Variants in C21orf91 observed in about 807,000 individuals in gnomAD.
C21orf91 encodes protein EURL homolog.
Under a neutral mutation model 32.9 loss-of-function variants are expected in C21orf91, and 26 were observed. That is an observed-to-expected ratio of 0.79 (90% CI 0.58 to 1.10). The LOEUF is 1.10. Ranked by LOEUF, C21orf91 falls within the 50% of genes least tolerant of loss-of-function variation. The pLI is 0.00. For missense variants in C21orf91, 310 were observed against 341.3 expected, an observed-to-expected ratio of 0.91 and a Z score of 0.72; for synonymous variants, 126 against 120.4, an observed-to-expected ratio of 1.05 and a Z score of -0.31.
rs374293625 is a variant in C21orf91 at position 17,799,803 on chromosome 21, C to A, written c.128-2685G>T. On this transcript the variant is annotated intron_variant, in intron 2 of 4. Coordinates refer to ENST00000284881, the MANE Select transcript of C21orf91 (RefSeq NM_001100420.2). Reference sequence around the variant, plus strand: ...TCATATATTCTCAGTGTCAAAATGCCGGGCACATAGTGGGTACTCAAAAGT... The same window carrying A: ...TCATATATTCTCAGTGTCAAAATGCAGGGCACATAGTGGGTACTCAAAAGT... Among the ~76,000 whole-genome samples, 12 of 152,104 alleles carry A rather than the reference C, an allele frequency of 7.9e-5. No homozygotes were observed. In the South Asian group the frequency reaches 8.3e-4, roughly 11 times the overall value.
rs1278076708 is a variant in C21orf91, at chr21:17,793,241, G to A, written c.*174C>T. ...AAATGAGCCAAAATGATTAGCCCTA[G>A]AAGACTAGAGTATAATGATCTGCTT... On this transcript the variant is annotated 3_prime_UTR_variant, in exon 5 of 5. Transcript: ENST00000284881. The A allele has an allele frequency of 4.6e-6, 2 of 433,412 alleles. No homozygotes were observed. Among genetic ancestry groups the A allele is most frequent in the Non-Finnish European group, 4.1e-6 (1 of 241,734 alleles). 26.8% of individuals were successfully genotyped at this position (433,412 alleles called of 1,614,324 possible). A position where few individuals can be genotyped will look rare whatever the true frequency, so the allele number is the denominator to read the frequency against.
At chr21:17,798,689 A>C (rs958700153) in intron 2 of C21orf91, among the ~76,000 whole-genome samples, 5 of 152,222 alleles carry the variant, frequency 3.3e-5, no homozygotes, top group African/African-American at 1.2e-4. Flanking sequence ...GTGAATTATA[A>C]ATCTCAAAGC....
intron 4 of C21orf91, among the ~76,000 whole-genome samples, chr21:17,793,864 C>T (rs2062497419): frequency 6.6e-6 from 1 of 152,156 alleles, no homozygotes; most frequent in Non-Finnish European, 1.5e-5. Flanking sequence ...AGCTACTTTT[C>T]TCAATTAGAA....
intron 2 of C21orf91, among the ~76,000 whole-genome samples, chr21:17,812,094 C>T (rs1226558715): frequency 6.6e-6 from 1 of 152,034 alleles, no homozygotes; most frequent in East Asian, 1.9e-4. Flanking sequence ...GAAACCAGCT[C>T]CTCATATATG....
Position 17,796,993 on chromosome 21 carries a change from C to A in C21orf91, c.253G>T (p.Glu85Ter). 6.2e-7 allele frequency: 1 copy of A among 1,613,546 alleles called. No individual in the cohort carries two copies. Among genetic ancestry groups the A allele is most frequent in the Non-Finnish European group, 8.5e-7 (1 of 1,179,586 alleles). The change falls in exon 3 of 5, where the codon GAA (glutamate) becomes TAA (stop). Residue 85 changes from glutamate to a stop codon, truncating the protein, a stop_gained. Coordinates refer to ENST00000284881, the MANE Select transcript of C21orf91 (RefSeq NM_001100420.2). LOFTEE classifies it high-confidence loss of function. ...TTCTTACTCAAAATGGTTTTAACTT[C>A]TTCATAAGTACTTTTTGAAAGCTTA... Reference protein sequence around the residue: ...RSKLSKSTYEEVKTILSKKIN... With the variant: ...RSKLSKSTYE
At chr21:17,801,216 A>G (rs1465216048) in intron 2 of C21orf91, among the ~76,000 whole-genome samples, 1 of 152,204 alleles carries the variant, frequency 6.6e-6, no homozygotes. Context: ...AATATTATGC[A>G]GCCATAAAAA....
intron 2 of C21orf91, among the ~76,000 whole-genome samples, chr21:17,812,714 CAGG>C (rs2062640392): frequency 6.6e-6 from 1 of 151,970 alleles, no homozygotes; most frequent in Non-Finnish European, 1.5e-5. Flanking sequence ...GAGGCTGAAG[CAGG>C]AGAATGGTGT....
At position 17,795,244 on chromosome 21, in the gene C21orf91, C is replaced by T. The variant is rs2062509057; in HGVS notation, c.691G>A (p.Glu231Lys). 1 of 1,611,246 alleles carries T rather than the reference C, an allele frequency of 6.2e-7. No homozygotes were observed. ...TGTAGGAGCTTTGCATTCAGTTGCT[C>T]TACCTCACCAAGAGTCATCGAATTC... Reference protein sequence around the residue: ...ELNSMTLGEVEQLNAKLLQQI... With the variant: ...ELNSMTLGEVKQLNAKLLQQI... Residue 231 changes from glutamate to lysine, a missense_variant, in exon 4 of 5, where the codon GAG becomes AAG. Coordinates refer to ENST00000284881, the MANE Select transcript of C21orf91 (RefSeq NM_001100420.2).
intron 2 of C21orf91, among the ~76,000 whole-genome samples, chr21:17,812,684 C>CTGTAGTCCCA (rs1321436347): frequency 6.6e-6 from 1 of 152,228 alleles, no homozygotes; most frequent in East Asian, 1.9e-4. Flanking sequence ...TGGTGGGCGC[C>CTGTAGTCCCA]TGTAGTCCCA....
chr21:17,803,700 A>G (rs1396528307), intron 2 of C21orf91, among the ~76,000 whole-genome samples: 1 of 152,148 alleles, frequency 6.6e-6, no homozygotes, highest in Non-Finnish European at 1.5e-5. Context: ...GCTTCAAGCA[A>G]GTGTTCACTG....
intron 2 of C21orf91, among the ~76,000 whole-genome samples, chr21:17,806,336 A>G (rs2062593705): frequency 6.6e-6 from 1 of 152,238 alleles, no homozygotes; most frequent in South Asian, 2.1e-4. Flanking sequence ...AAGAGACCCT[A>G]AATGAACTGC....
chr21:17,803,319 G>C (rs1397002490), intron 2 of C21orf91, among the ~76,000 whole-genome samples: 1 of 152,186 alleles, frequency 6.6e-6, no homozygotes, highest in African/African-American at 2.4e-5. Context: ...CCAGGAATTT[G>C]AGAGTCGTCT....
chr21:17,818,389 T>C (rs1196592400), intron 1 of C21orf91, 64 bp from the exon 2 acceptor site: 1 of 1,353,190 alleles, frequency 7.4e-7, no homozygotes, highest in Non-Finnish European at 1.0e-6. Flanking sequence ...GTAGTTCCCT[T>C]TACTGGGAAC....
chr21:17,795,434 G>A (rs1042423443), intron 3 of C21orf91, among the ~76,000 whole-genome samples, 164 bp from the exon 4 acceptor site: 4 of 152,216 alleles, frequency 2.6e-5, no homozygotes, highest in Non-Finnish European at 5.9e-5. Flanking sequence ...GTGTGGAGTA[G>A]AAGTTTTCAA....
intron 1 of C21orf91, 90 bp downstream of exon 1, chr21:17,819,213 G>C (rs1413178753): frequency 6.6e-6 from 1 of 152,460 alleles, no homozygotes; most frequent in Non-Finnish European, 1.5e-5. Context: ...AGCGCGAGGG[G>C]CCACGGGGCT....
chr21:17,796,784 G>A lies in C21orf91; in HGVS notation c.462C>T (p.Ile154=), dbSNP rs751427763. Residue 154 remains isoleucine (I), a synonymous_variant, in exon 3 of 5, where the codon ATC becomes ATT. Coordinates refer to ENST00000284881, the MANE Select transcript of C21orf91 (RefSeq NM_001100420.2). The stretch of plus-strand genomic sequence containing the variant: ...CCAAAATTCTTTGTGTACAGTTAGA[G>A]ATGCCACCTGCACTTCCATCTATCC... ...AKWIDGSAGG[I]SNCTQRILEQ... 6.2e-7 allele frequency: 1 copy of A among 1,613,916 alleles called. No homozygotes were observed. Among genetic ancestry groups the A allele is most frequent in the East Asian group, 2.2e-5 (1 of 44,874 alleles).
intron 2 of C21orf91, among the ~76,000 whole-genome samples, chr21:17,800,313 AGTAGCATAGGAAAC>A (rs1388995793): frequency 1.3e-5 from 2 of 152,232 alleles, no homozygotes; most frequent in African/African-American, 4.8e-5. Flanking sequence ...CCTGTGCAGC[AGTAGCATAGGAAAC>A]AAAAACTTCT....
intron 2 of C21orf91, among the ~76,000 whole-genome samples, chr21:17,812,818 C>CAA (rs11368954): frequency 2.9e-4 from 44 of 149,442 alleles, no homozygotes; most frequent in South Asian, 8.5e-4. Context: ...TGGAAAAAAA[C>CAA]AAAAAAAAAC....
chr21:17,813,700 T>C (rs1490273083), intron 2 of C21orf91, among the ~76,000 whole-genome samples: 1 of 152,256 alleles, frequency 6.6e-6, no homozygotes, highest in East Asian at 1.9e-4. Context: ...TACTTACTGG[T>C]TGAGCATTCC....
Sources: gnomAD v4.1 joint callset for allele counts (sites outside exome capture counted in the v4.1 genomes callset) on GRCh38, gnomAD v4.1.1 for gene constraint, MANE v1.5 for transcripts, NCBI Gene and HGNC (gene_info 2026-07-23, HGNC 2026-07-21) for gene names.